ARHGEF18: variants seen among roughly 807,000 people sequenced by gnomAD.
The protein encoded by ARHGEF18 is Rho/Rac guanine nucleotide exchange factor 18.
Under a neutral mutation model 155.7 loss-of-function variants are expected in ARHGEF18, and 93 were observed. The observed-to-expected ratio is 0.60, with a 90% CI of 0.50 to 0.71. The LOEUF is 0.71. Among genes scored for constraint, ARHGEF18 ranks in the 30% least tolerant of loss-of-function variants. ARHGEF18 has a pLI of 0.00. For missense variants in ARHGEF18, 1,593 were observed against 1,816.1 expected (o/e 0.88, Z 2.23); for synonymous variants, 742 against 753.1 (o/e 0.99, Z 0.24).
chr19:7,381,280 G>C (rs1970721408), intron 8 of ARHGEF18, among the ~76,000 whole-genome samples: 2 of 152,276 alleles, frequency 1.3e-5, no homozygotes, highest in South Asian at 2.1e-4. Context: ...AAACTAGAAG[G>C]CTTAGGGAAT....
chr19:7,473,673 G>C (rs894928765), downstream of ARHGEF18, among the ~76,000 whole-genome samples: 5 of 152,236 alleles, frequency 3.3e-5, no homozygotes, highest in East Asian at 7.7e-4. Flanking sequence ...AGCCGGGCGT[G>C]GTGGCGGGCG....
intron 10 of ARHGEF18, among the ~76,000 whole-genome samples, chr19:7,387,057 C>G (rs1490146634): frequency 6.6e-6 from 1 of 152,102 alleles, no homozygotes; most frequent in Non-Finnish European, 1.5e-5. Flanking sequence ...CATCAGATCT[C>G]CAACCAGAAC....
chr19:7,443,035 C>T (rs1040805079), intron 13 of ARHGEF18, among the ~76,000 whole-genome samples: 1 of 150,384 alleles, frequency 6.6e-6, no homozygotes, highest in South Asian at 2.1e-4. Flanking sequence ...GATGACAGTG[C>T]CTGCCACCAT....
At chr19:7,398,362 C>T (rs565382611) in intron 10 of ARHGEF18, among the ~76,000 whole-genome samples, 1 of 152,208 alleles carries the variant, frequency 6.6e-6, no homozygotes, top group South Asian at 2.1e-4. Flanking sequence ...TGAGCCACCA[C>T]GCCCGGTCAT....
chr19:7,458,713 C>T, intron 19 of ARHGEF18, 23 bp downstream of exon 19: 3 of 1,595,626 alleles, frequency 1.9e-6, no homozygotes, highest in Non-Finnish European at 2.6e-6. Flanking sequence ...TGGGGGTCTC[C>T]CCACCCACTG....
At chr19:7,477,966 G>A in the ARHGEF18 span, among the ~76,000 whole-genome samples, 1 of 152,228 alleles carries the variant, frequency 6.6e-6, no homozygotes, top group African/African-American at 2.4e-5. Flanking sequence ...AGGCTGCAGT[G>A]AGCCAAGATG....
intron 20 of ARHGEF18, among the ~76,000 whole-genome samples, chr19:7,460,808 T>A (rs552213126): frequency 6.6e-6 from 1 of 151,476 alleles, no homozygotes; most frequent in African/African-American, 2.4e-5. Context: ...TTTTTTTTTT[T>A]AAACAGAGCC....
Position 7,470,247 on chromosome 19 carries a change from A to G in ARHGEF18, c.4035A>G (p.Thr1345=), listed in dbSNP as rs1047304269. The change falls in exon 29 of 29, where the codon ACA becomes ACG. Residue 1345 remains threonine, a synonymous_variant. Transcript: ENST00000668164. This position sits in a 1 kb window ranked among gnomAD's most constrained non-coding sequence, Gnocchi z 5.9. ...CAGCTCCCTCGCCACTGCCGGCCAC[A>G]CCACTCAGCGCCAAGGAGGACGCCA... ...GPPAPSPLPA[T]PLSAKEDASK... 2.5e-6 allele frequency: 4 copies of G among 1,603,060 alleles called. No individual in the cohort carries two copies. Among genetic ancestry groups the G allele is most frequent in the Non-Finnish European group, 2.6e-6 (3 of 1,176,092 alleles).
intron 1 of ARHGEF18, among the ~76,000 whole-genome samples, chr19:7,356,318 T>C (rs868432938): frequency 6.6e-6 from 1 of 150,996 alleles, no homozygotes; most frequent in Non-Finnish European, 1.5e-5. Flanking sequence ...TCGCCGAGGC[T>C]GGAGTGCAGT....
intron 10 of ARHGEF18, among the ~76,000 whole-genome samples, chr19:7,388,391 G>A (rs1343634914): frequency 1.3e-5 from 2 of 151,712 alleles, no homozygotes; most frequent in Non-Finnish European, 2.9e-5. Flanking sequence ...ACTGAGCCCG[G>A]TCTGTAAGTG....
chr19:7,380,917 G>C lies in ARHGEF18; in HGVS notation c.645G>C (p.Gly215=). ...GTATCTGTCCCCTCTGATCCTGCAG[G>C]GCCCGGCAGAGGGCTTGCATGTCAG... ...QVLQELRQYH[G]ARQRACMSAS... The change falls in exon 8 of 29, where the codon GGG becomes GGC. Residue 215 remains glycine, a splice_region_variant and synonymous_variant. Transcript: ENST00000668164. 2.4e-6 allele frequency: 3 copies of C among 1,232,030 alleles called. No individual in the cohort carries two copies. The East Asian group carries it at 9.5e-5, about 39-fold the overall frequency. The allele number at this position is 1,232,030 out of a possible 1,614,324, so 76.3% of individuals were successfully genotyped here. A position where few individuals can be genotyped will look rare whatever the true frequency, so the allele number is the denominator to read the frequency against.
chr19:7,355,612 C>G (rs139809679), intron 1 of ARHGEF18: 28 of 985,450 alleles, frequency 2.8e-5, no homozygotes, highest in Non-Finnish European at 3.3e-5. Flanking sequence ...AGCTCTCACA[C>G]GCACGCATGG....
intron 1 of ARHGEF18, among the ~76,000 whole-genome samples, chr19:7,357,107 G>A (rs1969337775): frequency 6.6e-6 from 1 of 152,194 alleles, no homozygotes; most frequent in South Asian, 2.1e-4. Context: ...CGACTTGCTC[G>A]AGGTCACACA....
chr19:7,440,748 C>G lies in ARHGEF18; in HGVS notation c.1106+266C>G, dbSNP rs1191014345. On this transcript the variant is annotated intron_variant, in intron 11 of 28. Transcript: ENST00000668164. The surrounding 1 kb of genome is among the most constrained non-coding windows in gnomAD (Gnocchi z 5.4). The stretch of plus-strand genomic sequence containing the variant: ...GGATCCTTGGACTCGCTCCTTAGGC[C>G]GGGCTCCTGACTTACTCAAGGCGAT... 2.0e-5 allele frequency among the ~76,000 whole-genome samples: 3 copies of G among 152,064 alleles called. No individual in the cohort carries two copies. Among genetic ancestry groups the G allele is most frequent in the Non-Finnish European group, 2.9e-5 (2 of 68,012 alleles).
rs1397989734 is a variant in ARHGEF18 at position 7,362,170 on chromosome 19, AAGAAGG to A, written c.-110-605_-110-600del. 8.2e-5 allele frequency among the ~76,000 whole-genome samples: 3 copies of A among 36,548 alleles called. No individual in the cohort carries two copies. The African/African-American group carries it at 8.5e-4, about 10-fold the overall frequency. The allele number at this position is 36,548 out of a possible 152,430, so 24.0% of individuals were successfully genotyped here. A position where few individuals can be genotyped will look rare whatever the true frequency, so the allele number is the denominator to read the frequency against. On this transcript the variant is annotated intron_variant, in intron 1 of 28. Coordinates refer to ENST00000668164, the MANE Select transcript of ARHGEF18 (RefSeq NM_001367823.1). ...GAAGGAGAAGGAGGAGAAGAAGGAG[AAGAAGG>A]AGAAGAAGGAGAAGAAGGAGAAGAA...
downstream of ARHGEF18, among the ~76,000 whole-genome samples, chr19:7,475,424 T>A (rs916092184): frequency 2.0e-5 from 3 of 152,190 alleles, no homozygotes; most frequent in Non-Finnish European, 4.4e-5. Context: ...AGGTTGACTG[T>A]GGCTCTGCTT....
At chr19:7,420,289 A>C (rs951521860) in intron 10 of ARHGEF18, among the ~76,000 whole-genome samples, 9 of 152,222 alleles carry the variant, frequency 5.9e-5, no homozygotes, top group Admixed American at 2.6e-4. Flanking sequence ...TTGAGACAGG[A>C]TCTTGCTCTG....
chr19:7,453,829 C>T, intron 17 of ARHGEF18, 114 bp downstream of exon 17: 1 of 1,360,584 alleles, frequency 7.3e-7, no homozygotes, highest in Non-Finnish European at 9.6e-7. Context: ...TCAGTGGGTA[C>T]CATCTTGGAG....
In ARHGEF18 at chr19:7,463,182, C is replaced by A. The variant is rs1287613698; in HGVS notation, c.2636-636C>A. ...GGGAAGCCGACTCAGCCCCTGCCTTCCAGAGCCTTTCCGCAGAATAAGACG... is the reference window on the plus strand; with the variant it reads ...GGGAAGCCGACTCAGCCCCTGCCTTACAGAGCCTTTCCGCAGAATAAGACG... On this transcript the variant is annotated intron_variant, in intron 21 of 28. Transcript: ENST00000668164. This position sits in a 1 kb window ranked among gnomAD's most constrained non-coding sequence, Gnocchi z 5.2. Among the ~76,000 whole-genome samples, 1 of 152,140 alleles carries A rather than the reference C, an allele frequency of 6.6e-6. No individual in the cohort carries two copies. Among genetic ancestry groups the A allele is most frequent in the African/African-American group, 2.4e-5 (1 of 41,426 alleles).
Sources: allele counts gnomAD v4.1 joint callset (sites outside exome capture counted in the v4.1 genomes callset), GRCh38; gene constraint gnomAD v4.1.1; non-coding constraint Gnocchi (gnomAD v3.1); transcripts MANE v1.5; gene names NCBI Gene and HGNC (gene_info 2026-07-23, HGNC 2026-07-21).